The following MDFIC variants were observed in gnomAD, a reference collection of about 807,000 sequenced individuals.
MDFIC encodes myoD family inhibitor domain-containing protein.
In MDFIC, 17 loss-of-function variants were observed where a neutral mutation model predicts 23.2. The observed-to-expected ratio is 0.73, with a 90% CI of 0.50 to 1.10. The LOEUF is 1.10. Ranked by LOEUF, MDFIC falls within the 50% of genes least tolerant of loss-of-function variation. The pLI is 0.00. For synonymous variants in MDFIC, 120 were observed against 115.2 expected, an observed-to-expected ratio of 1.04 and a Z score of -0.27; for missense variants, 356 against 316.6, an observed-to-expected ratio of 1.12 and a Z score of -0.95.
intron 4 of MDFIC, among the ~76,000 whole-genome samples, chr7:114,995,761 G>T (rs566437831): frequency 6.6e-6 from 1 of 152,190 alleles, no homozygotes; most frequent in Non-Finnish European, 1.5e-5. Context: ...CCCTACTGGG[G>T]GGTGCCTCCC....
intron 3 of MDFIC, among the ~76,000 whole-genome samples, chr7:114,975,408 G>A (rs1299595795): frequency 6.6e-6 from 1 of 152,054 alleles, no homozygotes; most frequent in African/African-American, 2.4e-5. Flanking sequence ...ATGCCAGATG[G>A]TCTATGGTCT....
intron 4 of MDFIC, among the ~76,000 whole-genome samples, chr7:114,985,480 C>G (rs751073865): frequency 4.0e-5 from 6 of 151,830 alleles, no homozygotes; most frequent in Admixed American, 1.3e-4. Context: ...CTCTCTCTCT[C>G]TCTGTGTGTG....
In MDFIC at chr7:114,942,264, T is replaced by A. The variant is rs756943565; in HGVS notation, c.95-11T>A. On this transcript the variant is annotated splice_polypyrimidine_tract_variant and intron_variant, in intron 2 of 4. Coordinates refer to ENST00000393486, the MANE Select transcript of MDFIC (RefSeq NM_001166345.3). ...AAATCAATTATATTAAATGTATCTT[T>A]TTTAATTCAGGAAAATGTGATAAAG... The A allele has an allele frequency of 1.3e-5, 18 of 1,436,092 alleles. No individual in the cohort carries two copies. The highest frequency in any genetic ancestry group is 1.7e-5 in the Non-Finnish European group (18 of 1,062,158). 89.0% of individuals were successfully genotyped at this position (1,436,092 alleles called of 1,614,324 possible).
At position 114,922,921 on chromosome 7, in the gene MDFIC, C is replaced by A; in HGVS notation, c.-107-6C>A. 1 of 1,585,680 alleles carries A rather than the reference C, an allele frequency of 6.3e-7. No individual in the cohort carries two copies. Among genetic ancestry groups the A allele is most frequent in the Middle Eastern group, 1.8e-4 (1 of 5,436 alleles). ...TTTTTTTTAATTTTGTATATTTTTC[C>A]GCCAGAAGCAGTCAGTTCCCTGCAC... On this transcript the variant is annotated splice_region_variant and splice_polypyrimidine_tract_variant and intron_variant, in intron 1 of 4. Transcript: ENST00000393486.
chr7:114,957,272 T>G (rs1427899493), intron 3 of MDFIC, among the ~76,000 whole-genome samples: 1 of 152,182 alleles, frequency 6.6e-6, no homozygotes, highest in Admixed American at 6.5e-5. Flanking sequence ...TTGCCTATTT[T>G]TTTCTGAAGA....
chr7:114,992,727 G>A (rs1337267497), intron 4 of MDFIC, among the ~76,000 whole-genome samples: 1 of 152,156 alleles, frequency 6.6e-6, no homozygotes, highest in African/African-American at 2.4e-5. Flanking sequence ...TAAGCTTTTT[G>A]ATGTGCTTCT....
intron 3 of MDFIC, among the ~76,000 whole-genome samples, chr7:114,977,671 A>G (rs1793343098): frequency 6.6e-6 from 1 of 152,114 alleles, no homozygotes; most frequent in Non-Finnish European, 1.5e-5. Context: ...ACAACACAAC[A>G]GGTGAATATT....
At chr7:115,007,221 G>A (rs979567589) in intron 4 of MDFIC, among the ~76,000 whole-genome samples, 1 of 152,112 alleles carries the variant, frequency 6.6e-6, no homozygotes, top group East Asian at 1.9e-4. Flanking sequence ...TAGGTGGAGA[G>A]GTGTGGTTTT....
At chr7:114,965,475 G>A (rs1005398147) in intron 3 of MDFIC, among the ~76,000 whole-genome samples, 1 of 152,182 alleles carries the variant, frequency 6.6e-6, no homozygotes, top group Non-Finnish European at 1.5e-5. Flanking sequence ...CAGAGTTCAG[G>A]TTAGGAGACC....
chr7:114,973,088 A>G (rs1363330243), intron 3 of MDFIC, among the ~76,000 whole-genome samples: 1 of 120,300 alleles, frequency 8.3e-6, no homozygotes, highest in Non-Finnish European at 1.7e-5. Context: ...CAGTTTATGT[A>G]TCGTGTGTGT....
intron 2 of MDFIC, among the ~76,000 whole-genome samples, chr7:114,928,921 C>G (rs966687674): frequency 6.6e-6 from 1 of 152,140 alleles, no homozygotes; most frequent in Non-Finnish European, 1.5e-5. Context: ...TAGAGCTTTA[C>G]TCAGCTGTGA....
At chr7:114,937,766 T>G (rs1337431649) in intron 2 of MDFIC, among the ~76,000 whole-genome samples, 2 of 152,198 alleles carry the variant, frequency 1.3e-5, no homozygotes, top group African/African-American at 4.8e-5. Context: ...TCTTCCTCAC[T>G]TCTTTGTCCA....
chr7:115,004,612 A>G (rs1562828262), intron 4 of MDFIC, among the ~76,000 whole-genome samples: 2 of 152,182 alleles, frequency 1.3e-5, no homozygotes, highest in Admixed American at 6.5e-5. Context: ...TGAAGTTTGG[A>G]CAGAATCTGA....
chr7:115,013,795 T>C (rs1332892457), intron 4 of MDFIC, among the ~76,000 whole-genome samples: 2 of 152,174 alleles, frequency 1.3e-5, no homozygotes, highest in African/African-American at 4.8e-5. Context: ...GAAACAGTGT[T>C]GATAGAGGGA....
At position 115,015,600 on chromosome 7, in the gene MDFIC, G is replaced by C. The variant is rs779980555; in HGVS notation, c.494-88G>C. ...GGGTTGTGGATTACTTAACTATTTTGCTCAATTCTTATTGAGTCAATTGAT... is the reference window on the plus strand; with the variant it reads ...GGGTTGTGGATTACTTAACTATTTTCCTCAATTCTTATTGAGTCAATTGAT... On this transcript the variant is annotated intron_variant, in intron 4 of 4. Coordinates refer to ENST00000393486, the MANE Select transcript of MDFIC (RefSeq NM_001166345.3). 82 of 1,497,834 alleles carry C rather than the reference G, an allele frequency of 5.5e-5. 1 individual carries two copies. The highest frequency in any genetic ancestry group is 7.3e-5 in the Non-Finnish European group (81 of 1,107,506). 92.8% of individuals were successfully genotyped at this position (1,497,834 alleles called of 1,614,324 possible).
At chr7:114,939,767 C>T (rs1792501792) in intron 2 of MDFIC, among the ~76,000 whole-genome samples, 1 of 152,170 alleles carries the variant, frequency 6.6e-6, no homozygotes, top group African/African-American at 2.4e-5. Context: ...GTCAGCAATG[C>T]TTCATAATGC....
intron 4 of MDFIC, among the ~76,000 whole-genome samples, chr7:114,989,750 T>C (rs1382667571): frequency 6.6e-6 from 1 of 152,212 alleles, no homozygotes; most frequent in Non-Finnish European, 1.5e-5. Flanking sequence ...CTCTATTGAA[T>C]GATTTGGTAC....
intron 4 of MDFIC, among the ~76,000 whole-genome samples, chr7:114,988,335 A>G (rs1489096054): frequency 1.3e-5 from 2 of 152,208 alleles, no homozygotes; most frequent in Non-Finnish European, 1.5e-5. Flanking sequence ...AATAAATCCT[A>G]TGACTCTACT....
At chr7:115,011,187 C>T (rs557124959) in intron 4 of MDFIC, among the ~76,000 whole-genome samples, 117 of 152,274 alleles carry the variant, frequency 7.7e-4, no homozygotes, top group Non-Finnish European at 1.2e-3. Context: ...TACTCACTCC[C>T]TCTATGACCT....
Sources: allele counts gnomAD v4.1 joint callset (sites outside exome capture counted in the v4.1 genomes callset), GRCh38; gene constraint gnomAD v4.1.1; transcripts MANE v1.5; gene names NCBI Gene and HGNC (gene_info 2026-07-23, HGNC 2026-07-21).